Variants in CCDC60 observed in about 807,000 individuals in gnomAD.
CCDC60 encodes the protein coiled-coil domain containing 60, also known as coiled-coil domain-containing protein 60.
Under a neutral mutation model 63.5 loss-of-function variants are expected in CCDC60, and 54 were observed. The observed-to-expected ratio is 0.85, with a 90% CI of 0.68 to 1.07. The LOEUF is 1.07. Among genes scored for constraint, CCDC60 ranks in the 50% least tolerant of loss-of-function variants. The probability of loss-of-function intolerance (pLI) is 0.00; values close to 1 mark genes in which losing one functional copy is unlikely to be tolerated. For synonymous variants in CCDC60, 206 were observed against 238.8 expected (o/e 0.86, Z 1.27); for missense variants, 651 against 684.3 (o/e 0.95, Z 0.54).
chr12:119,506,039 T>C (rs1218565761), intron 7 of CCDC60, among the ~76,000 whole-genome samples: 3 of 152,186 alleles, frequency 2.0e-5, no homozygotes, highest in Non-Finnish European at 4.4e-5. Context: ...TAAAATTCGC[T>C]TATTTTAAAT....
At chr12:119,532,284 C>T (rs1187748518) in intron 13 of CCDC60, among the ~76,000 whole-genome samples, 2 of 152,076 alleles carry the variant, frequency 1.3e-5, no homozygotes, top group African/African-American at 4.8e-5. Flanking sequence ...AAGCTAGTCC[C>T]TGCATGGGTA....
Position 119,420,075 on chromosome 12 carries a change from AC to A in CCDC60, c.91-8606del, listed in dbSNP as rs1438462647. Among the ~76,000 whole-genome samples, 4 of 151,784 alleles carry A rather than the reference AC, an allele frequency of 2.6e-5. No homozygotes were observed. The highest frequency in any genetic ancestry group is 7.3e-5 in the African/African-American group (3 of 41,300). On this transcript the variant is annotated intron_variant, in intron 1 of 13. Transcript: ENST00000327554. The surrounding 1 kb of genome is among the most constrained non-coding windows in gnomAD (Gnocchi z 4.1). ...GTATTTTTAGTAGAGATAGGGTTTC[AC>A]CGTGTTAGCCGGGATGGTCTCGAAC...
intron 1 of CCDC60, among the ~76,000 whole-genome samples, chr12:119,337,824 T>TG (rs1955488273): frequency 7.1e-6 from 1 of 140,548 alleles, no homozygotes; most frequent in Non-Finnish European, 1.6e-5. Flanking sequence ...GTGTGTGTAT[T>TG]TGTGTGTGTG....
chr12:119,356,543 G>T lies in CCDC60; in HGVS notation c.90+21277G>T, dbSNP rs192548894. ...CCTTCCAAAATCTAGTGCAGAATAT[G>T]ACCAGAATTATCTCCTTCCCAATAC... On this transcript the variant is annotated intron_variant, in intron 1 of 13. Transcript: ENST00000327554. 2.5e-3 allele frequency among the ~76,000 whole-genome samples: 388 copies of T among 152,210 alleles called. 1 individual carries two copies. Among genetic ancestry groups the T allele is most frequent in the African/African-American group, 8.9e-3 (371 of 41,530 alleles).
chr12:119,355,931 C>G (rs1955713027), intron 1 of CCDC60, among the ~76,000 whole-genome samples: 1 of 152,160 alleles, frequency 6.6e-6, no homozygotes, highest in South Asian at 2.1e-4. Flanking sequence ...CTGCTTCCAC[C>G]TTGTCCCTGT....
chr12:119,430,252 A>AT (rs1157728504), intron 2 of CCDC60, among the ~76,000 whole-genome samples: 30 of 152,038 alleles, frequency 2.0e-4, no homozygotes, highest in African/African-American at 6.7e-4. Context: ...CCCCAATGTA[A>AT]TTTTTTTGGA....
intron 2 of CCDC60, among the ~76,000 whole-genome samples, chr12:119,433,065 G>A (rs1377113097): frequency 2.0e-5 from 3 of 152,140 alleles, no homozygotes; most frequent in African/African-American, 4.8e-5. Context: ...TTGGTAGCTC[G>A]AAAGCAACTG....
chr12:119,425,174 C>T (rs143735780), intron 1 of CCDC60, among the ~76,000 whole-genome samples: 3 of 152,258 alleles, frequency 2.0e-5, no homozygotes, highest in Admixed American at 2.0e-4. Flanking sequence ...TTCTGATGTG[C>T]TTATTTTTCC....
At chr12:119,367,129 G>A (rs570258023) in intron 1 of CCDC60, among the ~76,000 whole-genome samples, 1 of 152,254 alleles carries the variant, frequency 6.6e-6, no homozygotes, top group East Asian at 1.9e-4. Flanking sequence ...CACCGCACCT[G>A]GCCTGAAAAC....
chr12:119,453,589 C>T (rs200188790), intron 2 of CCDC60, among the ~76,000 whole-genome samples: 2 of 152,174 alleles, frequency 1.3e-5, no homozygotes, highest in East Asian at 3.9e-4. Context: ...TAATTGTAAT[C>T]TAATTAGACT....
intron 1 of CCDC60, among the ~76,000 whole-genome samples, chr12:119,399,450 G>GAGT (rs1298595771): frequency 6.6e-6 from 1 of 152,182 alleles, no homozygotes. Flanking sequence ...TCCTTCAAAT[G>GAGT]AGTGGCCAAT....
At chr12:119,400,261 G>C (rs1465705252) in intron 1 of CCDC60, among the ~76,000 whole-genome samples, 1 of 152,174 alleles carries the variant, frequency 6.6e-6, no homozygotes, top group Non-Finnish European at 1.5e-5. Flanking sequence ...GTATTAGCCA[G>C]GATGGTCTCG....
rs142206295 is a variant in CCDC60 at position 119,420,645 on chromosome 12, G to T, written c.91-8038G>T. On this transcript the variant is annotated intron_variant, in intron 1 of 13. Coordinates refer to ENST00000327554, the MANE Select transcript of CCDC60 (RefSeq NM_178499.5). This position sits in a 1 kb window ranked among gnomAD's most constrained non-coding sequence, Gnocchi z 4.1. ...AAAATAGAAAGAATGAATAAGACCT[G>T]CTATTTGATAGCACAACAGGTTGAC... is the stretch of plus-strand genomic sequence containing the variant. 0.017 allele frequency among the ~76,000 whole-genome samples: 2,519 copies of T among 152,138 alleles called. 38 individuals are homozygous for T. The highest frequency in any genetic ancestry group is 0.022 in the Non-Finnish European group (1,530 of 68,002).
chr12:119,478,179 G>A (rs1951219939), intron 3 of CCDC60, among the ~76,000 whole-genome samples: 1 of 152,036 alleles, frequency 6.6e-6, no homozygotes, highest in Non-Finnish European at 1.5e-5. Context: ...GCCAGGCATG[G>A]TGGCACATGC....
intron 1 of CCDC60, among the ~76,000 whole-genome samples, chr12:119,424,506 C>A (rs149357501): frequency 6.6e-6 from 1 of 152,074 alleles, no homozygotes; most frequent in Admixed American, 6.5e-5. Flanking sequence ...TTCATCCTGG[C>A]GACATAATTT....
intron 1 of CCDC60, among the ~76,000 whole-genome samples, chr12:119,424,787 A>G (rs953089963): frequency 2.0e-5 from 3 of 152,346 alleles, no homozygotes; most frequent in South Asian, 4.1e-4. Context: ...AGTTATAATC[A>G]TAAACCTACC....
chr12:119,428,610 C>T (rs1956941087), intron 1 of CCDC60, 73 bp from the exon 2 acceptor site: 2 of 1,019,740 alleles, frequency 2.0e-6, no homozygotes, highest in Non-Finnish European at 3.0e-6. Flanking sequence ...ACCCATGAGC[C>T]TCCTGTGCCT....
chr12:119,397,123 G>A (rs1276902642), intron 1 of CCDC60, among the ~76,000 whole-genome samples: 1 of 152,202 alleles, frequency 6.6e-6, no homozygotes, highest in Admixed American at 6.5e-5. Flanking sequence ...GTGAGTTCAT[G>A]CTCTCGCTGG....
At chr12:119,377,253 TC>T (rs1170061384) in intron 1 of CCDC60, among the ~76,000 whole-genome samples, 3 of 32,106 alleles carry the variant, frequency 9.3e-5, no homozygotes, top group East Asian at 7.6e-4. Flanking sequence ...ACACTCCATC[TC>T]AAAAAAAAAA....
Sources: allele counts gnomAD v4.1 joint callset (sites outside exome capture counted in the v4.1 genomes callset), GRCh38; gene constraint gnomAD v4.1.1; non-coding constraint Gnocchi (gnomAD v3.1); transcripts MANE v1.5; gene names NCBI Gene and HGNC (gene_info 2026-07-23, HGNC 2026-07-21).